Variants in SLC5A4 observed in about 807,000 individuals in gnomAD.
SLC5A4 encodes solute carrier family 5 member 4, also known as probable glucose sensor protein SLC5A4.
In SLC5A4, 55 loss-of-function variants were observed where a neutral mutation model predicts 70.3. That is an observed-to-expected ratio of 0.78 (90% CI 0.63 to 0.98). The LOEUF is 0.98. Ranked by LOEUF, SLC5A4 falls within the 50% of genes least tolerant of loss-of-function variation. The probability of loss-of-function intolerance (pLI) is 0.00; values close to 1 mark genes in which losing one functional copy is unlikely to be tolerated. For missense variants in SLC5A4, 735 were observed against 839.2 expected, an observed-to-expected ratio of 0.88 and a Z score of 1.53; for synonymous variants, 268 against 305.7, an observed-to-expected ratio of 0.88 and a Z score of 1.29.
At chr22:32,238,676 G>A (rs1354993867) in intron 6 of SLC5A4, among the ~76,000 whole-genome samples, 2 of 152,078 alleles carry the variant, frequency 1.3e-5, no homozygotes, top group East Asian at 1.9e-4. Context: ...CCTCCCAACC[G>A]TCTGTGTGGA....
chr22:32,348,425 A>G, the SLC5A4 span, among the ~76,000 whole-genome samples: 1 of 152,194 alleles, frequency 6.6e-6, no homozygotes, highest in Admixed American at 6.5e-5. Flanking sequence ...GGTGGGGGCC[A>G]GCAGCAGCTG....
At chr22:32,299,631 G>A in the SLC5A4 span, among the ~76,000 whole-genome samples, 5 of 100,782 alleles carry the variant, frequency 5.0e-5, no homozygotes, top group African/African-American at 1.8e-4. Context: ...TAATTTGATC[G>A]TCTGAAGCCT....
chr22:32,300,322 G>C, the SLC5A4 span, among the ~76,000 whole-genome samples: 1 of 150,778 alleles, frequency 6.6e-6, no homozygotes, highest in Non-Finnish European at 1.5e-5. Context: ...CTCCGTGGGC[G>C]TAGGACCCTC....
At chr22:32,265,770 G>A in the SLC5A4 span, among the ~76,000 whole-genome samples, 1 of 151,648 alleles carries the variant, frequency 6.6e-6, no homozygotes, top group Non-Finnish European at 1.5e-5. Flanking sequence ...AACCGGGGAG[G>A]TGGAGGTTGC....
chr22:32,312,363 G>GCACACACA, the SLC5A4 span, among the ~76,000 whole-genome samples: 3,316 of 84,532 alleles, frequency 0.039, 116 homozygotes, highest in African/African-American at 0.12. Flanking sequence ...ACACGCGCGC[G>GCACACACA]CGCACACACA....
chr22:32,268,839 C>T, the SLC5A4 span, among the ~76,000 whole-genome samples: 107 of 152,294 alleles, frequency 7.0e-4, 1 homozygote, highest in East Asian at 0.016. Flanking sequence ...TTAGTGTCCT[C>T]TGTGAAAATG....
chr22:32,319,193 A>G, the SLC5A4 span, among the ~76,000 whole-genome samples: 1 of 152,038 alleles, frequency 6.6e-6, no homozygotes, highest in Non-Finnish European at 1.5e-5. Context: ...TCATAGTGGA[A>G]CTCATGCCAT....
chr22:32,332,562 TCTCTGAGGGGCTGGGAGC>T, the SLC5A4 span, among the ~76,000 whole-genome samples: 1 of 151,802 alleles, frequency 6.6e-6, no homozygotes, highest in Non-Finnish European at 1.5e-5. Flanking sequence ...CTTCTGGGAG[TCTCTGAGGGGCTGGGAGC>T]CTCTGCAGAG....
chr22:32,271,024 CGGT>C, the SLC5A4 span: 3 of 546,502 alleles, frequency 5.5e-6, 1 homozygote, highest in South Asian at 5.7e-5. Flanking sequence ...GCCCCACAGT[CGGT>C]GATGAGGAAA....
At chr22:32,324,247 G>C in the SLC5A4 span, among the ~76,000 whole-genome samples, 1 of 136,770 alleles carries the variant, frequency 7.3e-6, no homozygotes, top group Non-Finnish European at 1.6e-5. Context: ...ATATGTATGT[G>C]TATATATACA....
chr22:32,294,142 A>T, the SLC5A4 span, among the ~76,000 whole-genome samples: 3 of 152,110 alleles, frequency 2.0e-5, no homozygotes, highest in African/African-American at 7.2e-5. Context: ...TTATCTCTTC[A>T]AATAGTATTT....
At chr22:32,277,679 C>T in the SLC5A4 span, among the ~76,000 whole-genome samples, 1 of 152,132 alleles carries the variant, frequency 6.6e-6, no homozygotes, top group Non-Finnish European at 1.5e-5. Context: ...TCCCGAGTAG[C>T]TGGGACTACA....
chr22:32,345,264 G>A, the SLC5A4 span, among the ~76,000 whole-genome samples: 6 of 152,084 alleles, frequency 3.9e-5, no homozygotes, highest in African/African-American at 1.4e-4. Flanking sequence ...AAGAAAACCT[G>A]ATAGAAAAAG....
At chr22:32,270,309 G>A in the SLC5A4 span, 1 of 883,162 alleles carries the variant, frequency 1.1e-6, no homozygotes. Context: ...TGGAGATTGT[G>A]GTTTGCTCCA....
chr22:32,306,508 C>A, the SLC5A4 span, among the ~76,000 whole-genome samples: 1 of 128,472 alleles, frequency 7.8e-6, no homozygotes, highest in African/African-American at 3.1e-5. Flanking sequence ...GACAAAAGAG[C>A]AACAGCGGTC....
At chr22:32,293,707 T>A in the SLC5A4 span, among the ~76,000 whole-genome samples, 1 of 152,278 alleles carries the variant, frequency 6.6e-6, no homozygotes, top group Admixed American at 6.5e-5. Context: ...TGCTCTTTAT[T>A]CCTTTCTGTA....
chr22:32,227,449 C>T (rs1205137277), intron 11 of SLC5A4, among the ~76,000 whole-genome samples: 1 of 152,162 alleles, frequency 6.6e-6, no homozygotes, highest in Admixed American at 6.5e-5. Flanking sequence ...TTTTAATTTA[C>T]TAAAGCTATT....
the SLC5A4 span, chr22:32,272,707 T>C: frequency 3.8e-6 from 2 of 521,480 alleles, no homozygotes; most frequent in Admixed American, 5.5e-5. Context: ...GACTTCCATG[T>C]GGGTGCCCAC....
chr22:32,235,247 C>T (rs1215156177), intron 7 of SLC5A4, among the ~76,000 whole-genome samples, 154 bp from the exon 8 acceptor site: 1 of 151,898 alleles, frequency 6.6e-6, no homozygotes, highest in Non-Finnish European at 1.5e-5. Flanking sequence ...CTTTCTGGTA[C>T]CTCCGCTGGC....
Sources: gnomAD v4.1 joint callset for allele counts (sites outside exome capture counted in the v4.1 genomes callset) on GRCh38, gnomAD v4.1.1 for gene constraint, MANE v1.5 for transcripts, NCBI Gene and HGNC (gene_info 2026-07-23, HGNC 2026-07-21) for gene names.